HGF: variants seen among roughly 807,000 people sequenced by gnomAD.
HGF encodes the protein fibroblast-derived tumor cytotoxic factor.
Under a neutral mutation model 111.6 loss-of-function variants are expected in HGF, and 39 were observed. The observed-to-expected ratio is 0.35, with a 90% confidence interval of 0.27 to 0.46. HGF has a LOEUF of 0.46. HGF is among the 20% of genes least tolerant of loss of function. The pLI, the probability that HGF is intolerant of heterozygous loss-of-function variation, is 1.00. For missense variants in HGF, 735 were observed against 910.5 expected, an observed-to-expected ratio of 0.81 and a Z score of 2.48; for synonymous variants, 285 against 294.8, an observed-to-expected ratio of 0.97 and a Z score of 0.34.
intron 11 of HGF, among the ~76,000 whole-genome samples, chr7:81,711,848 G>T (rs371302688): frequency 3.9e-4 from 60 of 151,976 alleles, no homozygotes; most frequent in Middle Eastern, 3.4e-3. Context: ...TTCGCCATGT[G>T]GGCCAGGCTG....
At chr7:81,756,939 AT>A in intron 4 of HGF, 1 of 549,344 alleles carries the variant, frequency 1.8e-6, no homozygotes, top group Non-Finnish European at 3.2e-6. Flanking sequence ...TTACGTTATT[AT>A]TTCACAAATA....
At chr7:81,714,973 A>G (rs2115831078) in intron 11 of HGF, among the ~76,000 whole-genome samples, 1 of 152,296 alleles carries the variant, frequency 6.6e-6, no homozygotes, top group African/African-American at 2.4e-5. Flanking sequence ...ATCAAATACT[A>G]GTAACCCCCT....
Position 81,746,097 on chromosome 7 carries a change from G to T in HGF, c.626-977C>A, listed in dbSNP as rs182277299. Among the ~76,000 whole-genome samples the T allele has an allele frequency of 2.6e-5, 4 of 152,276 alleles. No homozygotes were observed. In the South Asian group the frequency reaches 8.3e-4, roughly 32 times the overall value. ...GCATCAATGTTTAGTTTTATCCAAC[G>T]GAATCTAGCCTAATGAGTATTTGTA... On this transcript the variant is annotated intron_variant, in intron 5 of 17. Transcript: ENST00000222390.
chr7:81,761,936 A>G (rs1413471328), intron 2 of HGF, among the ~76,000 whole-genome samples: 2 of 152,134 alleles, frequency 1.3e-5, no homozygotes, highest in African/African-American at 2.4e-5. Flanking sequence ...TTCAGCTCCT[A>G]TGAGAATCTA....
chr7:81,708,639 T>C (rs1789494042), intron 13 of HGF, among the ~76,000 whole-genome samples: 1 of 149,378 alleles, frequency 6.7e-6, no homozygotes, highest in South Asian at 2.1e-4. Context: ...AGATGGGTTT[T>C]ACCACGTTGG....
At chr7:81,737,907 A>G (rs1210162269) in intron 7 of HGF, among the ~76,000 whole-genome samples, 3 of 152,166 alleles carry the variant, frequency 2.0e-5, no homozygotes, top group Non-Finnish European at 2.9e-5. Context: ...CTAAATACTC[A>G]GTGTGATTTC....
chr7:81,736,549 T>C lies in HGF; in HGVS notation c.866-6770A>G, dbSNP rs80180136. The stretch of plus-strand genomic sequence containing the variant: ...TTATCATAAGAATATATGGAGATGA[T>C]ACAGTAAGGGAGCTCAAATGAAGGA... On this transcript the variant is annotated intron_variant, in intron 7 of 17. Transcript: ENST00000222390. Among the ~76,000 whole-genome samples the C allele has an allele frequency of 9.1e-3, 1,382 of 152,186 alleles. 19 individuals are homozygous for C. The highest frequency in any genetic ancestry group is 0.03 in the African/African-American group (1,246 of 41,556).
At chr7:81,737,171 C>T (rs1055063410) in intron 7 of HGF, among the ~76,000 whole-genome samples, 2 of 151,820 alleles carry the variant, frequency 1.3e-5, no homozygotes, top group African/African-American at 4.8e-5. Context: ...TAGGATTATA[C>T]CAGGCTTTTG....
chr7:81,715,406 T>C (rs943149653), intron 11 of HGF, among the ~76,000 whole-genome samples: 14 of 152,130 alleles, frequency 9.2e-5, no homozygotes, highest in Non-Finnish European at 1.8e-4. Context: ...GTGTTTCTTT[T>C]AGTATTAACA....
intron 8 of HGF, among the ~76,000 whole-genome samples, chr7:81,726,361 C>T (rs971327646): frequency 6.6e-6 from 1 of 152,124 alleles, no homozygotes; most frequent in Non-Finnish European, 1.5e-5. Flanking sequence ...AAACATTGGC[C>T]TGTTATTTAT....
At chr7:81,703,153 A>G (rs575013188) in intron 17 of HGF, among the ~76,000 whole-genome samples, 1 of 151,820 alleles carries the variant, frequency 6.6e-6, no homozygotes, top group African/African-American at 2.4e-5. Flanking sequence ...TGGAACATGT[A>G]GAAAAATACA....
At chr7:81,759,708 G>C (rs1479495448) in intron 2 of HGF, among the ~76,000 whole-genome samples, 1 of 152,050 alleles carries the variant, frequency 6.6e-6, no homozygotes, top group Non-Finnish European at 1.5e-5. Context: ...GTTTCACCAT[G>C]TTAGCCAGTA....
chr7:81,760,680 C>CGTGTGTGTGT (rs55865050), intron 2 of HGF, among the ~76,000 whole-genome samples: 6 of 139,484 alleles, frequency 4.3e-5, no homozygotes, highest in African/African-American at 1.6e-4. Flanking sequence ...TATGTGCGTG[C>CGTGTGTGTGT]GTGTGTGTGT....
chr7:81,715,737 T>A (rs1173676568), intron 11 of HGF, among the ~76,000 whole-genome samples: 1 of 152,148 alleles, frequency 6.6e-6, no homozygotes, highest in African/African-American at 2.4e-5. Context: ...TAATTTGACA[T>A]AAATTCTAGA....
At chr7:81,734,290 A>C (rs1787756428) in intron 7 of HGF, among the ~76,000 whole-genome samples, 1 of 152,168 alleles carries the variant, frequency 6.6e-6, no homozygotes, top group Non-Finnish European at 1.5e-5. Context: ...GCAGAAGCAA[A>C]GGTATTTATG....
chr7:81,741,842 G>T (rs1788016629), intron 7 of HGF, among the ~76,000 whole-genome samples: 1 of 148,782 alleles, frequency 6.7e-6, no homozygotes, highest in Non-Finnish European at 1.5e-5. Context: ...GGAGGCTGAG[G>T]CAGGAGAATC....
intron 1 of HGF, among the ~76,000 whole-genome samples, chr7:81,768,435 G>C (rs982488348): frequency 6.6e-6 from 1 of 151,910 alleles, no homozygotes; most frequent in African/African-American, 2.4e-5. Flanking sequence ...GCTGAAGTGC[G>C]GTGACACAAT....
At chr7:81,723,847 T>C (rs978837828) in intron 9 of HGF, among the ~76,000 whole-genome samples, 1 of 151,286 alleles carries the variant, frequency 6.6e-6, no homozygotes, top group Non-Finnish European at 1.5e-5. Context: ...CATATATATA[T>C]ATCTGTGTGT....
At chr7:81,750,110 A>C (rs1230063332) in intron 5 of HGF, among the ~76,000 whole-genome samples, 12 of 152,090 alleles carry the variant, frequency 7.9e-5, no homozygotes, top group Admixed American at 7.9e-4. Context: ...TTTTAGAAGA[A>C]ATTTATATCA....
Sources: gnomAD v4.1 joint callset for allele counts (sites outside exome capture counted in the v4.1 genomes callset) on GRCh38, gnomAD v4.1.1 for gene constraint, MANE v1.5 for transcripts, NCBI Gene and HGNC (gene_info 2026-07-23, HGNC 2026-07-21) for gene names.